PDE8B: variants seen among roughly 807,000 people sequenced by gnomAD.
PDE8B encodes high affinity cAMP-specific and IBMX-insensitive 3',5'-cyclic phosphodiesterase 8B.
A neutral mutation model predicts 101.3 loss-of-function variants in PDE8B; 26 were observed. The ratio of observed to expected loss-of-function variants is 0.26; its 90% CI spans 0.19 to 0.36. The LOEUF is 0.36. Ranked by LOEUF, PDE8B falls within the 10% of genes least tolerant of loss-of-function variation. PDE8B has a pLI of 1.00. For synonymous variants in PDE8B, 424 were observed against 429.3 expected (o/e 0.99, Z 0.15); for missense variants, 810 against 1,163.1 (o/e 0.70, Z 4.42).
At chr5:77,195,897 G>C in the PDE8B span, among the ~76,000 whole-genome samples, 4 of 152,126 alleles carry the variant, frequency 2.6e-5, no homozygotes, top group Non-Finnish European at 5.9e-5. Flanking sequence ...TGTTATCTTA[G>C]GGGTGGCAGA....
At chr5:77,331,368 C>A (rs563058135) in intron 4 of PDE8B, 34 bp from the exon 5 acceptor site, 3 of 1,594,128 alleles carry the variant, frequency 1.9e-6, no homozygotes, top group African/African-American at 1.3e-5. Flanking sequence ...TGGTTTGTAT[C>A]TGCTGAGTGA....
At chr5:77,335,042 A>AT (rs1490778401) in intron 5 of PDE8B, among the ~76,000 whole-genome samples, 2 of 152,158 alleles carry the variant, frequency 1.3e-5, no homozygotes, top group South Asian at 2.1e-4. Flanking sequence ...TTTTCTTTCC[A>AT]TTTTTTGCAA....
intron 2 of PDE8B, among the ~76,000 whole-genome samples, chr5:77,323,041 G>A (rs1399955495): frequency 6.6e-6 from 1 of 152,216 alleles, no homozygotes; most frequent in East Asian, 1.9e-4. Flanking sequence ...AGACAGGTGA[G>A]AGACAAGAAA....
chr5:77,412,474 T>C (rs2151100507), intron 16 of PDE8B, among the ~76,000 whole-genome samples: 1 of 152,202 alleles, frequency 6.6e-6, no homozygotes, highest in Non-Finnish European at 1.5e-5. Flanking sequence ...CCCTCCTTTG[T>C]GCTAGTGAGC....
chr5:77,349,567 A>T lies in PDE8B; in HGVS notation c.1017+8A>T. On this transcript the variant is annotated splice_region_variant and intron_variant, in intron 8 of 21. Coordinates refer to ENST00000264917, the MANE Select transcript of PDE8B (RefSeq NM_003719.5). The stretch of plus-strand genomic sequence containing the variant: ...TGCATCAAGAAGGGAAAGGTGGGTT[A>T]CACCAGCAAAACCAATCCACGAACC... The T allele has an allele frequency of 6.2e-7, 1 of 1,614,192 alleles. No individual in the cohort carries two copies. The highest frequency in any genetic ancestry group is 8.5e-7 in the Non-Finnish European group (1 of 1,180,012).
At chr5:77,425,511 C>T (rs377003327) in intron 20 of PDE8B, among the ~76,000 whole-genome samples, 3 of 152,236 alleles carry the variant, frequency 2.0e-5, no homozygotes, top group African/African-American at 7.2e-5. Flanking sequence ...CGAGACTGCA[C>T]CACTGTACTA....
At chr5:77,160,287 A>G in the PDE8B span, among the ~76,000 whole-genome samples, 1 of 152,174 alleles carries the variant, frequency 6.6e-6, no homozygotes, top group Non-Finnish European at 1.5e-5. Flanking sequence ...GTAATCTCTC[A>G]GCATGCATTG....
the PDE8B span, among the ~76,000 whole-genome samples, chr5:77,161,939 A>G: frequency 7.2e-5 from 11 of 151,768 alleles, no homozygotes; most frequent in African/African-American, 2.7e-4. Context: ...TATCCTTTCA[A>G]ATGTTTTGAT....
At chr5:77,170,610 A>G in the PDE8B span, among the ~76,000 whole-genome samples, 1 of 152,242 alleles carries the variant, frequency 6.6e-6, no homozygotes, top group Non-Finnish European at 1.5e-5. Flanking sequence ...CTCTGAACTA[A>G]ATCATCGTTA....
chr5:77,356,489 G>A (rs1187527995), intron 10 of PDE8B, among the ~76,000 whole-genome samples: 4 of 152,170 alleles, frequency 2.6e-5, no homozygotes, highest in Admixed American at 2.6e-4. Context: ...GAATGCAGTG[G>A]CACGATCTCA....
At chr5:77,210,150 G>A (rs1747931445), upstream of PDE8B, among the ~76,000 whole-genome samples, 1 of 152,212 alleles carries the variant, frequency 6.6e-6, no homozygotes, top group Non-Finnish European at 1.5e-5. This position sits in a 1 kb window ranked among gnomAD's most constrained non-coding sequence, Gnocchi z 4.9. Flanking sequence ...GTGTGAAAAT[G>A]TGTTGGTGAA....
the PDE8B span, among the ~76,000 whole-genome samples, chr5:77,090,290 A>G: frequency 2.5e-3 from 386 of 152,148 alleles, 3 homozygotes; most frequent in African/African-American, 9.0e-3. Context: ...CCCAGGCTGG[A>G]GTGCAGTGGC....
the PDE8B span, chr5:77,146,943 G>A: frequency 2.2e-6 from 1 of 458,162 alleles, no homozygotes; most frequent in Non-Finnish European, 4.3e-6. Flanking sequence ...CCATTGGTGA[G>A]TTGTAAAGAA....
Position 77,210,916 on chromosome 5 carries a change from C to G in PDE8B, c.-10C>G. 1 of 1,389,046 alleles carries G rather than the reference C, an allele frequency of 7.2e-7. No individual in the cohort carries two copies. The highest frequency in any genetic ancestry group is 9.3e-7 in the Non-Finnish European group (1 of 1,070,666). 86.0% of individuals were successfully genotyped at this position (1,389,046 alleles called of 1,614,324 possible). On this transcript the variant is annotated 5_prime_UTR_variant, in exon 1 of 22. Coordinates refer to ENST00000264917, the MANE Select transcript of PDE8B (RefSeq NM_003719.5). This position sits in a 1 kb window ranked among gnomAD's most constrained non-coding sequence, Gnocchi z 4.9. Reference sequence around the variant, plus strand: ...GCGCGGGCGGGCGCGCGGGGGAGCCCGGCCGAGGGATGGGCTGCGCCCCCA... The same window carrying G: ...GCGCGGGCGGGCGCGCGGGGGAGCCGGGCCGAGGGATGGGCTGCGCCCCCA...
intron 20 of PDE8B, among the ~76,000 whole-genome samples, chr5:77,425,092 C>T (rs990945238): frequency 2.6e-5 from 4 of 152,108 alleles, no homozygotes; most frequent in African/African-American, 9.7e-5. Context: ...AAGGTGTTAG[C>T]AGTTTTACCC....
At chr5:77,149,318 G>C in the PDE8B span, among the ~76,000 whole-genome samples, 28 of 152,252 alleles carry the variant, frequency 1.8e-4, no homozygotes, top group East Asian at 5.2e-3. Context: ...TTTCAATTTT[G>C]TTCTTAGTTT....
intron 3 of PDE8B, among the ~76,000 whole-genome samples, chr5:77,326,667 G>A (rs1776115361): frequency 6.6e-6 from 1 of 152,140 alleles, no homozygotes; most frequent in South Asian, 2.1e-4. Flanking sequence ...ATTTAATAGT[G>A]TATATAAATA....
chr5:77,104,469 A>G, the PDE8B span: 1 of 152,180 alleles, frequency 6.6e-6, no homozygotes, highest in Non-Finnish European at 1.5e-5. Flanking sequence ...GCCTTTATAA[A>G]AGAGGCTTCT....
At chr5:77,329,596 A>C (rs187680958) in intron 4 of PDE8B, among the ~76,000 whole-genome samples, 1 of 152,348 alleles carries the variant, frequency 6.6e-6, no homozygotes, top group East Asian at 1.9e-4. Flanking sequence ...CTGTAGGTGC[A>C]ATGAAACTGT....
Sources: allele counts gnomAD v4.1 joint callset (sites outside exome capture counted in the v4.1 genomes callset), GRCh38; gene constraint gnomAD v4.1.1; non-coding constraint Gnocchi (gnomAD v3.1); transcripts MANE v1.5; gene names NCBI Gene and HGNC (gene_info 2026-07-23, HGNC 2026-07-21).